Variants in ZNF48 observed in about 807,000 individuals in gnomAD.
The protein encoded by ZNF48 is zinc finger protein 553.
In ZNF48, 20 loss-of-function variants were observed where a neutral mutation model predicts 40.0. The ratio of observed to expected loss-of-function variants is 0.50; its 90% CI spans 0.35 to 0.73. The LOEUF is 0.73. Ranked by LOEUF, ZNF48 falls within the 30% of genes least tolerant of loss-of-function variation. The probability of loss-of-function intolerance (pLI) is 0.01; values close to 1 mark genes in which losing one functional copy is unlikely to be tolerated. For missense variants in ZNF48, 726 were observed against 851.9 expected, an observed-to-expected ratio of 0.85 and a Z score of 1.84; for synonymous variants, 298 against 329.7, an observed-to-expected ratio of 0.90 and a Z score of 1.04.
At chr16:30,378,660 T>G (rs1166126147) in intron 1 of ZNF48, 2 of 1,607,566 alleles carry the variant, frequency 1.2e-6, no homozygotes, top group Non-Finnish European at 1.7e-6. Flanking sequence ...AGAGGCAGCA[T>G]GGGCAGCGGG....
At chr16:30,389,687 C>T (rs77238410) in intron 1 of ZNF48, among the ~76,000 whole-genome samples, 8,590 of 151,444 alleles carry the variant, frequency 0.057, 757 homozygotes, top group African/African-American at 0.19. Flanking sequence ...CTAATTATGG[C>T]GAATCATTCA....
rs2050028605 is a variant in ZNF48, at chr16:30,399,247, G to A, written c.*140G>A. On this transcript the variant is annotated 3_prime_UTR_variant, in exon 3 of 3. Transcript: ENST00000613509. Reference sequence around the variant, plus strand: ...GAAGAATAGATAGAAATAGGGATTGGAGACAGTAACCTTGAAGCTCAGGAA... The same window carrying A: ...GAAGAATAGATAGAAATAGGGATTGAAGACAGTAACCTTGAAGCTCAGGAA... 3.4e-6 allele frequency: 3 copies of A among 872,254 alleles called. No individual in the cohort carries two copies. Among genetic ancestry groups the A allele is most frequent in the South Asian group, 3.8e-5 (2 of 52,048 alleles). The allele number at this position is 872,254 out of a possible 1,614,324, so 54.0% of individuals were successfully genotyped here.
intron 1 of ZNF48, among the ~76,000 whole-genome samples, chr16:30,389,103 A>C (rs940715849): frequency 2.6e-5 from 4 of 151,888 alleles, no homozygotes; most frequent in African/African-American, 9.7e-5. Context: ...TACTAAAAAT[A>C]CAAAAATTGG....
chr16:30,387,878 T>G (rs984446033), intron 1 of ZNF48, among the ~76,000 whole-genome samples: 2 of 152,098 alleles, frequency 1.3e-5, no homozygotes, highest in African/African-American at 4.8e-5. Flanking sequence ...CCTATATATA[T>G]GTATACACAC....
Position 30,382,443 on chromosome 16 carries a change from A to T in ZNF48, c.-16+4033A>T. On this transcript the variant is annotated intron_variant, in intron 1 of 2. Transcript: ENST00000528032. This position sits in a 1 kb window ranked among gnomAD's most constrained non-coding sequence, Gnocchi z 4.8. Reference sequence around the variant, plus strand: ...CCAGGATCACTTGAGTTCCTGGGCTAGGAAGAGTCAGTGGGGTCTGGGGAC... The same window carrying T: ...CCAGGATCACTTGAGTTCCTGGGCTTGGAAGAGTCAGTGGGGTCTGGGGAC... 6.4e-7 allele frequency: 1 copy of T among 1,568,588 alleles called. No homozygotes were observed. Among genetic ancestry groups the T allele is most frequent in the Non-Finnish European group, 8.7e-7 (1 of 1,146,024 alleles).
In ZNF48 at chr16:30,382,629, G is replaced by C; in HGVS notation, c.-16+4219G>C. 6.5e-7 allele frequency: 1 copy of C among 1,545,412 alleles called. No homozygotes were observed. Among genetic ancestry groups the C allele is most frequent in the African/African-American group, 1.4e-5 (1 of 73,254 alleles). ...AAGGGGGCGGGCAGAAGAGGCAGCT[G>C]AGATGCTCAAACTGGCCCAGTCCCA... On this transcript the variant is annotated intron_variant, in intron 1 of 2. Coordinates refer to the ZNF48 transcript ENST00000528032. The surrounding 1 kb of genome is among the most constrained non-coding windows in gnomAD (Gnocchi z 4.8).
Position 30,398,287 on chromosome 16 carries a change from G to A in ZNF48, c.1037G>A (p.Arg346Gln), listed in dbSNP as rs745476498. The stretch of plus-strand genomic sequence containing the variant: ...AAAGGTTTCGCGGACAGCTCCGCCC[G>A]AGTCAAACACCTCCGCACCCACAGT... The part of the protein sequence containing the change: ...CGKGFADSSA[R>Q]VKHLRTHSGE... Residue 346 changes from arginine to glutamine, a missense_variant, in exon 3 of 3, where the codon CGA (arginine) becomes CAA (glutamine). This residue lies in a region of ZNF48 where 378 missense variants were observed against 449.1 expected (regional missense o/e 0.84). Coordinates refer to ENST00000613509, the MANE Select transcript of ZNF48 (RefSeq NM_001214909.2). This position sits in a 1 kb window ranked among gnomAD's most constrained non-coding sequence, Gnocchi z 6.6. The A allele has an allele frequency of 1.5e-5, 24 of 1,613,388 alleles. No individual in the cohort carries two copies. The highest frequency in any genetic ancestry group is 4.0e-5 in the African/African-American group (3 of 74,926).
At position 30,398,824 on chromosome 16, in the gene ZNF48, C is replaced by A; in HGVS notation, c.1574C>A (p.Pro525His). ...LRPHNPPGPV[P>H]MAPRPRVRAQ... Reference sequence around the variant, plus strand: ...CCACATAACCCACCTGGCCCAGTACCCATGGCCCCTCGACCCCGAGTTCGG... The same window carrying A: ...CCACATAACCCACCTGGCCCAGTACACATGGCCCCTCGACCCCGAGTTCGG... Residue 525 changes from proline to histidine, a missense_variant, in exon 3 of 3, where the codon CCC becomes CAC. Around this residue, in one of 5 missense-constraint regions of ZNF48, gnomAD observed 166 missense variants for 163.6 expected, o/e 1.01. Coordinates refer to ENST00000613509, the MANE Select transcript of ZNF48 (RefSeq NM_001214909.2). The surrounding 1 kb of genome is among the most constrained non-coding windows in gnomAD (Gnocchi z 6.6). 1 of 1,613,862 alleles carries A rather than the reference C, an allele frequency of 6.2e-7. No individual in the cohort carries two copies. Among genetic ancestry groups the A allele is most frequent in the Non-Finnish European group, 8.5e-7 (1 of 1,180,022 alleles).
Position 30,380,059 on chromosome 16 carries a change from G to A in ZNF48, c.-16+1649G>A, listed in dbSNP as rs757969370. 41 of 1,580,578 alleles carry A rather than the reference G, an allele frequency of 2.6e-5. 1 individual carries two copies. The South Asian group carries it at 4.7e-4, about 18-fold the overall frequency. Reference sequence around the variant, plus strand: ...CTCAGGGGAAACAGATATAGAGACAGTGTGAAACGGGCCACAATGACAGAC... The same window carrying A: ...CTCAGGGGAAACAGATATAGAGACAATGTGAAACGGGCCACAATGACAGAC... On this transcript the variant is annotated intron_variant, in intron 1 of 2. Coordinates refer to the ZNF48 transcript ENST00000528032.
At chr16:30,395,306 A>C, upstream of ZNF48, 1 of 453,482 alleles carries the variant, frequency 2.2e-6, no homozygotes, top group Non-Finnish European at 4.4e-6. The surrounding 1 kb of genome is among the most constrained non-coding windows in gnomAD (Gnocchi z 5.9). Flanking sequence ...CCTGGGCCGC[A>C]CGCTGCCGCC....
intron 2 of ZNF48, among the ~76,000 whole-genome samples, chr16:30,396,167 C>T (rs774745353): frequency 1.3e-5 from 2 of 152,194 alleles, no homozygotes; most frequent in Non-Finnish European, 2.9e-5. Context: ...TTTCTCTCCA[C>T]TGATGCATTC....
At chr16:30,385,677 T>C (rs147075881) in intron 1 of ZNF48, among the ~76,000 whole-genome samples, 2,027 of 152,184 alleles carry the variant, frequency 0.013, 22 homozygotes, top group Non-Finnish European at 0.02. Context: ...TCCCCACAAG[T>C]GTTTCCAGTG....
intron 1 of ZNF48, among the ~76,000 whole-genome samples, chr16:30,386,561 T>A (rs370609256): frequency 3.8e-4 from 58 of 151,930 alleles, no homozygotes; most frequent in African/African-American, 1.3e-3. Context: ...TGGTCCCAGC[T>A]ACTCAGAAGG....
upstream of ZNF48, among the ~76,000 whole-genome samples, chr16:30,390,956 G>C (rs1368816491): frequency 6.9e-6 from 1 of 144,694 alleles, no homozygotes; most frequent in African/African-American, 2.6e-5. Flanking sequence ...AGCCAGGATG[G>C]TCTCGATCTC....
At chr16:30,385,532 C>T (rs1394226409) in intron 1 of ZNF48, among the ~76,000 whole-genome samples, 1 of 150,888 alleles carries the variant, frequency 6.6e-6, no homozygotes, top group South Asian at 2.1e-4. Flanking sequence ...GGCTGAGGCA[C>T]AAGAATCACT....
rs917677254 is a variant in ZNF48 at position 30,400,101 on chromosome 16, T to C, written c.*994T>C. On this transcript the variant is annotated 3_prime_UTR_variant, in exon 3 of 3. Transcript: ENST00000613509. Reference sequence around the variant, plus strand: ...GAGCCCATTAAATAAAGAGGTTGTCTTGGCGTAGTCAGCGGCTTTCTAGCT... The same window carrying C: ...GAGCCCATTAAATAAAGAGGTTGTCCTGGCGTAGTCAGCGGCTTTCTAGCT... The C allele has an allele frequency of 6.6e-6, 1 of 152,232 alleles. No homozygotes were observed. The highest frequency in any genetic ancestry group is 1.5e-5 in the Non-Finnish European group (1 of 68,056). The allele number at this position is 152,232 out of a possible 1,614,324, so 9.4% of individuals were successfully genotyped here.
chr16:30,378,782 G>T, intron 1 of ZNF48: 1 of 1,376,602 alleles, frequency 7.3e-7, no homozygotes, highest in Non-Finnish European at 9.9e-7. Context: ...GGCCTGGGGC[G>T]AGGTTGGGGT....
intron 1 of ZNF48, chr16:30,379,397 C>T (rs368210646): frequency 4.5e-6 from 7 of 1,572,486 alleles, no homozygotes; most frequent in African/African-American, 4.0e-5. Context: ...GCCCCGGGCT[C>T]CCTGCTGGCC....
At position 30,395,667 on chromosome 16, in the gene ZNF48, C is replaced by G; in HGVS notation, c.-16+89C>G. 1.1e-6 allele frequency: 1 copy of G among 887,412 alleles called. No individual in the cohort carries two copies. Among genetic ancestry groups the G allele is most frequent in the South Asian group, 5.4e-5 (1 of 18,468 alleles). The allele number at this position is 887,412 out of a possible 1,614,324, so 55.0% of individuals were successfully genotyped here. On this transcript the variant is annotated intron_variant, in intron 1 of 2. Coordinates refer to ENST00000613509, the MANE Select transcript of ZNF48 (RefSeq NM_001214909.2). This position sits in a 1 kb window ranked among gnomAD's most constrained non-coding sequence, Gnocchi z 5.9. ...GGGGGCACCGGGAGCCGCGCCCGTA[C>G]CTGGGACCCGACGCCGCCCGGTGCC...
Sources: gnomAD v4.1 joint callset for allele counts (sites outside exome capture counted in the v4.1 genomes callset) on GRCh38, gnomAD v4.1.1 for gene constraint, gnomAD v4.1.1 regional missense constraint, Gnocchi (gnomAD v3.1) non-coding constraint, MANE v1.5 for transcripts, NCBI Gene and HGNC (gene_info 2026-07-23, HGNC 2026-07-21) for gene names.